KCNQ5: variants seen among roughly 807,000 people sequenced by gnomAD.
KCNQ5 encodes the protein potassium voltage-gated channel subfamily KQT member 5.
Under a neutral mutation model 98.2 loss-of-function variants are expected in KCNQ5, and 30 were observed. That is an observed-to-expected ratio of 0.31 (90% CI 0.23 to 0.41). KCNQ5 has a LOEUF of 0.41. KCNQ5 is among the 10% of genes least tolerant of loss of function. KCNQ5 has a pLI of 1.00. For missense variants in KCNQ5, 835 were observed against 1,182.5 expected (o/e 0.71, Z 4.31); for synonymous variants, 458 against 449.4 (o/e 1.02, Z -0.24).
intron 1 of KCNQ5, among the ~76,000 whole-genome samples, chr6:72,623,996 G>T (rs187545619): frequency 1.3e-5 from 2 of 152,296 alleles, no homozygotes; most frequent in East Asian, 3.9e-4. Context: ...AATCTGTGGG[G>T]CTCTGGTGTC....
At chr6:72,726,305 G>T (rs1385964728) in intron 1 of KCNQ5, among the ~76,000 whole-genome samples, 1 of 151,306 alleles carries the variant, frequency 6.6e-6, no homozygotes, top group East Asian at 1.9e-4. Context: ...CCACCTCCCG[G>T]GTTCAAGAAG....
intron 1 of KCNQ5, among the ~76,000 whole-genome samples, chr6:72,863,456 T>C (rs975185024): frequency 3.9e-5 from 6 of 152,238 alleles, no homozygotes; most frequent in African/African-American, 1.4e-4. Flanking sequence ...TTCAGATTCC[T>C]GTTTTTGCAT....
intron 5 of KCNQ5, among the ~76,000 whole-genome samples, chr6:73,104,888 TA>T (rs796231458): frequency 2.4e-4 from 36 of 152,336 alleles, no homozygotes; most frequent in African/African-American, 8.7e-4. Flanking sequence ...AAATGCCTGC[TA>T]AGGTAACGAA....
intron 9 of KCNQ5, chr6:73,129,808 T>C (rs776983150): frequency 6.2e-7 from 1 of 1,612,884 alleles, no homozygotes; most frequent in African/African-American, 1.3e-5. Context: ...TCTGTAGTAA[T>C]AAGCAGAAGC....
chr6:72,829,449 T>TTCTCTCTC (rs10647361), intron 1 of KCNQ5, among the ~76,000 whole-genome samples: 2 of 151,258 alleles, frequency 1.3e-5, no homozygotes, highest in East Asian at 3.9e-4. Flanking sequence ...TCCTCTTCTC[T>TTCTCTCTC]TCTCTCTCTC....
At chr6:73,181,253 G>T (rs545224545) in intron 11 of KCNQ5, among the ~76,000 whole-genome samples, 17 of 152,248 alleles carry the variant, frequency 1.1e-4, no homozygotes, top group African/African-American at 3.6e-4. Context: ...TGTGCAATGG[G>T]TTTATTAGAC....
chr6:73,117,570 T>A (rs2150435236), intron 7 of KCNQ5, among the ~76,000 whole-genome samples: 1 of 152,366 alleles, frequency 6.6e-6, no homozygotes. Context: ...GGTCCCATTC[T>A]TTTGTTGTTC....
chr6:72,723,571 G>T (rs148132006), intron 1 of KCNQ5, among the ~76,000 whole-genome samples: 2 of 152,272 alleles, frequency 1.3e-5, no homozygotes, highest in East Asian at 3.9e-4. Flanking sequence ...CTCATGCTAT[G>T]AATGTATGCA....
chr6:73,034,291 A>C (rs910569944), intron 2 of KCNQ5, among the ~76,000 whole-genome samples: 5 of 152,222 alleles, frequency 3.3e-5, no homozygotes, highest in East Asian at 1.9e-4. Flanking sequence ...ATATGCACAC[A>C]CACAAAAAGG....
At chr6:72,808,676 G>A (rs950538302) in intron 1 of KCNQ5, among the ~76,000 whole-genome samples, 6 of 152,238 alleles carry the variant, frequency 3.9e-5, no homozygotes, top group Middle Eastern at 3.4e-3. Flanking sequence ...TGCCGGGCGC[G>A]GTGGCTCATG....
At chr6:72,982,750 G>T (rs530349511) in intron 1 of KCNQ5, among the ~76,000 whole-genome samples, 1 of 152,216 alleles carries the variant, frequency 6.6e-6, no homozygotes, top group Non-Finnish European at 1.5e-5. Flanking sequence ...ATTAGTTGAT[G>T]CAGTTTCTTC....
chr6:72,779,821 CTGTGTGTGTGTGTGTG>C (rs35526812), intron 1 of KCNQ5, among the ~76,000 whole-genome samples: 19,645 of 124,604 alleles, frequency 0.16, 2,016 homozygotes, highest in Admixed American at 0.25. Flanking sequence ...ATTTAATTTT[CTGTGTGTGTGTGTGTG>C]TGTGTGTGTG....
chr6:72,647,075 A>G (rs1302949133), intron 1 of KCNQ5, among the ~76,000 whole-genome samples: 2 of 152,228 alleles, frequency 1.3e-5, no homozygotes, highest in Non-Finnish European at 2.9e-5. Flanking sequence ...TTGAAACACC[A>G]TTATGCATAT....
chr6:72,873,805 T>A (rs1329757169), intron 1 of KCNQ5, among the ~76,000 whole-genome samples: 1 of 152,082 alleles, frequency 6.6e-6, no homozygotes, highest in African/African-American at 2.4e-5. Flanking sequence ...CATTCTAAGA[T>A]AATAATTTAA....
At chr6:73,011,408 A>G (rs890372200) in intron 2 of KCNQ5, among the ~76,000 whole-genome samples, 3 of 152,134 alleles carry the variant, frequency 2.0e-5, no homozygotes, top group African/African-American at 7.2e-5. Flanking sequence ...ACAAATGGTG[A>G]TGGAAATATT....
At chr6:72,960,204 C>G (rs553933995) in intron 1 of KCNQ5, among the ~76,000 whole-genome samples, 142 of 152,290 alleles carry the variant, frequency 9.3e-4, no homozygotes, top group Non-Finnish European at 1.9e-3. Context: ...GCCATTCCAT[C>G]ACAGTATCAC....
At chr6:72,873,844 T>C (rs1254766588) in intron 1 of KCNQ5, among the ~76,000 whole-genome samples, 3 of 152,066 alleles carry the variant, frequency 2.0e-5, no homozygotes, top group Admixed American at 6.6e-5. Flanking sequence ...AAAATTCTTC[T>C]CTTATGTGCA....
At chr6:73,054,577 A>G (rs1194759218) in intron 3 of KCNQ5, among the ~76,000 whole-genome samples, 2 of 152,246 alleles carry the variant, frequency 1.3e-5, no homozygotes, top group Admixed American at 6.5e-5. Flanking sequence ...ACATAAACAG[A>G]ATTAAAAACA....
intron 1 of KCNQ5, among the ~76,000 whole-genome samples, chr6:72,792,265 A>G (rs1488753670): frequency 6.6e-6 from 1 of 152,086 alleles, no homozygotes; most frequent in Non-Finnish European, 1.5e-5. Context: ...TTATTTCTTG[A>G]CATCACCATT....
Sources: gnomAD v4.1 joint callset for allele counts (sites outside exome capture counted in the v4.1 genomes callset) on GRCh38, gnomAD v4.1.1 for gene constraint, MANE v1.5 for transcripts, NCBI Gene and HGNC (gene_info 2026-07-23, HGNC 2026-07-21) for gene names.